Variants in ATP8A2 observed in about 807,000 individuals in gnomAD.
The protein encoded by ATP8A2 is ATPase phospholipid transporting 8A2.
ATP8A2 carries 100 observed loss-of-function variants against 165.6 expected under a neutral mutation model. The ratio of observed to expected loss-of-function variants is 0.60; its 90% CI spans 0.51 to 0.71. The LOEUF is 0.71. ATP8A2 is among the 30% of genes least tolerant of loss of function. The pLI is 0.00. For missense variants in ATP8A2, 1,227 were observed against 1,479.5 expected, an observed-to-expected ratio of 0.83 and a Z score of 2.80; for synonymous variants, 543 against 548.8, an observed-to-expected ratio of 0.99 and a Z score of 0.15.
chr13:25,406,239 A>T (rs1214520908), intron 1 of ATP8A2, among the ~76,000 whole-genome samples: 3 of 152,176 alleles, frequency 2.0e-5, no homozygotes, highest in Non-Finnish European at 4.4e-5. Context: ...TGGCAGAGAG[A>T]TGGTGGCATC....
chr13:25,616,823 G>A (rs976448284), intron 24 of ATP8A2, among the ~76,000 whole-genome samples: 1 of 152,146 alleles, frequency 6.6e-6, no homozygotes, highest in African/African-American at 2.4e-5. Flanking sequence ...GGCTGAATTA[G>A]GTCACAGGGT....
chr13:25,898,485 G>A (rs1327048582), intron 33 of ATP8A2, among the ~76,000 whole-genome samples: 3 of 152,214 alleles, frequency 2.0e-5, no homozygotes, highest in Non-Finnish European at 4.4e-5. Flanking sequence ...GGACCCACTT[G>A]AGGAGGCGGT....
At chr13:25,375,761 C>T in intron 1 of ATP8A2, among the ~76,000 whole-genome samples, 1 of 151,850 alleles carries the variant, frequency 6.6e-6, no homozygotes, top group East Asian at 1.9e-4. Context: ...TTAGTAGATA[C>T]GGGGTTTCAC....
At chr13:25,895,664 G>A (rs1485639663) in intron 33 of ATP8A2, among the ~76,000 whole-genome samples, 5 of 152,144 alleles carry the variant, frequency 3.3e-5, no homozygotes, top group Admixed American at 1.3e-4. Context: ...ATCTGGTCCT[G>A]GACTTTTTTT....
Position 25,779,071 on chromosome 13 carries a change from A to G in ATP8A2, c.2679+4112A>G, listed in dbSNP as rs145411859. 5.3e-3 allele frequency among the ~76,000 whole-genome samples: 800 copies of G among 151,814 alleles called. 1 individual carries two copies. The highest frequency in any genetic ancestry group is 0.01 in the Middle Eastern group (3 of 294). On this transcript the variant is annotated intron_variant, in intron 27 of 36. Coordinates refer to ENST00000381655, the MANE Select transcript of ATP8A2 (RefSeq NM_016529.6). ...TGGGACCACACACTTAAAAATGGCTATGGTGGCAGACTTTGTTATCTATAT... is the reference window on the plus strand; with the variant it reads ...TGGGACCACACACTTAAAAATGGCTGTGGTGGCAGACTTTGTTATCTATAT...
At chr13:25,784,058 A>G (rs1012904712) in intron 27 of ATP8A2, among the ~76,000 whole-genome samples, 1 of 152,200 alleles carries the variant, frequency 6.6e-6, no homozygotes, top group African/African-American at 2.4e-5. Flanking sequence ...CTTTATAAAA[A>G]TAGACTCTTA....
intron 33 of ATP8A2, among the ~76,000 whole-genome samples, chr13:25,909,566 C>T (rs138013553): frequency 4.1e-4 from 62 of 152,166 alleles, no homozygotes; most frequent in African/African-American, 1.2e-3. Flanking sequence ...ACCTAAAATA[C>T]GTAATACAAT....
rs771471219 is a variant in ATP8A2, at chr13:26,022,086, C to G, written c.*2101C>G. ...AGGTGCATAGAACATTTTTAAATAT[C>G]AGAGTACCCAGCAAGACGGAAGGAC... On this transcript the variant is annotated 3_prime_UTR_variant, in exon 37 of 37. Transcript: ENST00000381655. The G allele has an allele frequency of 6.6e-6, 1 of 152,144 alleles. No homozygotes were observed. The allele number at this position is 152,144 out of a possible 1,614,324, so 9.4% of individuals were successfully genotyped here.
At chr13:25,602,732 T>C (rs550340058) in intron 24 of ATP8A2, among the ~76,000 whole-genome samples, 2 of 152,214 alleles carry the variant, frequency 1.3e-5, no homozygotes, top group East Asian at 3.9e-4. Flanking sequence ...GTGAAATGGG[T>C]GTCATTGGAA....
intron 35 of ATP8A2, among the ~76,000 whole-genome samples, chr13:25,973,176 C>T (rs748751971): frequency 1.3e-5 from 2 of 152,184 alleles, no homozygotes; most frequent in Non-Finnish European, 2.9e-5. Context: ...AGTGCTTTCC[C>T]TGGGTGTAGC....
chr13:25,507,766 A>G (rs1342090802), intron 2 of ATP8A2, among the ~76,000 whole-genome samples: 1 of 152,220 alleles, frequency 6.6e-6, no homozygotes, highest in Non-Finnish European at 1.5e-5. Context: ...GGTGCTATAA[A>G]TATTTTGGAA....
chr13:25,411,676 A>G (rs1047924850), intron 1 of ATP8A2, among the ~76,000 whole-genome samples: 1 of 152,234 alleles, frequency 6.6e-6, no homozygotes. Context: ...TATGTTAAAA[A>G]GTGCATGTTT....
intron 1 of ATP8A2, among the ~76,000 whole-genome samples, chr13:25,438,574 G>A (rs76823316): frequency 1.3e-5 from 2 of 152,158 alleles, no homozygotes; most frequent in East Asian, 3.9e-4. Flanking sequence ...CCAGGATTTG[G>A]AGGCTACAAC....
intron 35 of ATP8A2, among the ~76,000 whole-genome samples, chr13:25,984,261 A>C (rs2139266513): frequency 6.6e-6 from 1 of 151,922 alleles, no homozygotes; most frequent in East Asian, 1.9e-4. Context: ...ATCCAGGAGT[A>C]ATGAAAAGTT....
Position 25,952,905 on chromosome 13 carries a change from T to G in ATP8A2, c.3184-8670T>G, listed in dbSNP as rs1039939996. 2.6e-5 allele frequency among the ~76,000 whole-genome samples: 4 copies of G among 152,074 alleles called. 1 individual carries two copies. The highest frequency in any genetic ancestry group is 5.9e-5 in the Non-Finnish European group (4 of 68,012). On this transcript the variant is annotated intron_variant, in intron 33 of 36. Coordinates refer to ENST00000381655, the MANE Select transcript of ATP8A2 (RefSeq NM_016529.6). ...GGTTCATAGTAAAAAGAGAAGGAGATTTACCTTTTGACATGCACGCTCATG... is the reference window on the plus strand; with the variant it reads ...GGTTCATAGTAAAAAGAGAAGGAGAGTTACCTTTTGACATGCACGCTCATG...
At chr13:25,954,721 C>T (rs1296603621) in intron 33 of ATP8A2, among the ~76,000 whole-genome samples, 1 of 152,170 alleles carries the variant, frequency 6.6e-6, no homozygotes, top group East Asian at 1.9e-4. Flanking sequence ...AGACAAACAC[C>T]TCCAGCAAAC....
chr13:25,753,595 T>C (rs907498893), intron 25 of ATP8A2, among the ~76,000 whole-genome samples: 6 of 152,170 alleles, frequency 3.9e-5, no homozygotes, highest in African/African-American at 1.4e-4. Context: ...GGTGCTGGTA[T>C]TGCAGGGAGA....
At chr13:25,650,553 G>A (rs1325092509) in intron 24 of ATP8A2, among the ~76,000 whole-genome samples, 1 of 152,076 alleles carries the variant, frequency 6.6e-6, no homozygotes, top group Admixed American at 6.5e-5. Flanking sequence ...AACCTCCACT[G>A]CAAAATAGAA....
Position 25,540,318 on chromosome 13 carries a change from G to A in ATP8A2, c.582-1G>A. On this transcript the variant is annotated splice_acceptor_variant, in intron 7 of 36. Coordinates refer to ENST00000381655, the MANE Select transcript of ATP8A2 (RefSeq NM_016529.6). LOFTEE classifies it high-confidence loss of function. ...TTGGCTCTTTTTTTCTCTCTCCTTA[G>A]TGAACCTCAGGCAATGTGTTATGTT... The A allele has an allele frequency of 6.2e-7, 1 of 1,612,854 alleles. No homozygotes were observed. Among genetic ancestry groups the A allele is most frequent in the Non-Finnish European group, 8.5e-7 (1 of 1,178,916 alleles).
Sources: allele counts gnomAD v4.1 joint callset (sites outside exome capture counted in the v4.1 genomes callset), GRCh38; gene constraint gnomAD v4.1.1; transcripts MANE v1.5; gene names NCBI Gene and HGNC (gene_info 2026-07-23, HGNC 2026-07-21).